GLB1: variants seen among roughly 807,000 people sequenced by gnomAD.
GLB1 encodes the protein beta-galactosidase.
In GLB1, 56 loss-of-function variants were observed where a neutral mutation model predicts 74.0. That is an observed-to-expected ratio of 0.76 (90% CI 0.61 to 0.94). The LOEUF (loss-of-function observed/expected upper bound fraction) is 0.94, where lower values mean the gene tolerates loss of function less well. Among genes scored for constraint, GLB1 ranks in the 40% least tolerant of loss-of-function variants. The probability of loss-of-function intolerance (pLI) is 0.00; values close to 1 mark genes in which losing one functional copy is unlikely to be tolerated. For synonymous variants in GLB1, 323 were observed against 323.6 expected (o/e 1.00, Z 0.02); for missense variants, 787 against 845.5 (o/e 0.93, Z 0.86).
At chr3:33,015,358 G>A (rs1236111892) in intron 14 of GLB1, among the ~76,000 whole-genome samples, 11 of 152,162 alleles carry the variant, frequency 7.2e-5, no homozygotes, top group Non-Finnish European at 1.6e-4. Context: ...AGAATACTGT[G>A]ATACCTTAAG....
chr3:32,966,583 G>A, the GLB1 span, among the ~76,000 whole-genome samples: 2 of 152,168 alleles, frequency 1.3e-5, no homozygotes, highest in Non-Finnish European at 2.9e-5. Context: ...AATGAGTTAA[G>A]ACTTTAGGGG....
chr3:33,053,153 T>C (rs1023393634), intron 7 of GLB1, among the ~76,000 whole-genome samples: 1 of 152,142 alleles, frequency 6.6e-6, no homozygotes, highest in Non-Finnish European at 1.5e-5. Flanking sequence ...GCAAGTGACA[T>C]AGGTTCCCTG....
intron 7 of GLB1, 104 bp from the exon 8 acceptor site, chr3:33,052,108 A>G: frequency 6.3e-7 from 1 of 1,589,314 alleles, no homozygotes; most frequent in Non-Finnish European, 8.5e-7. Flanking sequence ...GGGGGTTGAC[A>G]TGCTGACATG....
At chr3:32,982,323 A>G in the GLB1 span, among the ~76,000 whole-genome samples, 4 of 151,974 alleles carry the variant, frequency 2.6e-5, no homozygotes, top group Non-Finnish European at 4.4e-5. Flanking sequence ...CCAAAAAAAA[A>G]AAAAAAAAAA....
At chr3:33,065,638 T>C in intron 4 of GLB1, 81 bp from the exon 5 acceptor site, 1 of 1,480,058 alleles carries the variant, frequency 6.8e-7, no homozygotes, top group South Asian at 1.2e-5. Flanking sequence ...GCTTTGAATG[T>C]GGCCCAACAC....
chr3:33,003,961 C>T (rs959570492), intron 15 of GLB1, among the ~76,000 whole-genome samples: 13 of 151,810 alleles, frequency 8.6e-5, no homozygotes, highest in South Asian at 2.1e-4. Context: ...ACCTGGGAGG[C>T]GGAGGTTGCA....
In GLB1 at chr3:33,068,925, C is replaced by G. The variant is rs375291447; in HGVS notation, c.291G>C (p.Gln97His). 3 of 1,614,068 alleles carry G rather than the reference C, an allele frequency of 1.9e-6. No individual in the cohort carries two copies. In the African/African-American group the frequency reaches 4.0e-5, roughly 22 times the overall value. ...NFHEPWPGQY[Q>H]FSEDHDVEYF... ...ATTCCACATCATGGTCCTCAGAAAACTGGTACTGTCCTGGCCAGGGCTCAT... is the reference window on the plus strand; with the variant it reads ...ATTCCACATCATGGTCCTCAGAAAAGTGGTACTGTCCTGGCCAGGGCTCAT... The change falls in exon 3 of 16, where the codon CAG becomes CAC. Residue 97 changes from glutamine to histidine, a missense_variant. Transcript: ENST00000307363.
At chr3:32,975,831 A>G in the GLB1 span, among the ~76,000 whole-genome samples, 26 of 152,332 alleles carry the variant, frequency 1.7e-4, 2 homozygotes, top group East Asian at 5.0e-3. Context: ...TATCTGGAGG[A>G]GAATAAAGTA....
At chr3:33,066,402 G>A (rs540630083) in intron 4 of GLB1, among the ~76,000 whole-genome samples, 2 of 152,258 alleles carry the variant, frequency 1.3e-5, no homozygotes, top group South Asian at 2.1e-4. Context: ...TCTGAGCTAG[G>A]ACACTCAGCC....
chr3:33,046,216 A>G lies in GLB1; in HGVS notation c.972T>C (p.Tyr324=), dbSNP rs1342444418. 1.2e-6 allele frequency: 2 copies of G among 1,613,896 alleles called. No individual in the cohort carries two copies. The highest frequency in any genetic ancestry group is 3.3e-5 in the Admixed American group (2 of 59,984). The change falls in exon 10 of 16, where the codon TAT becomes TAC. Residue 324 remains tyrosine, a synonymous_variant. Transcript: ENST00000307363. ...FAYWNGANSP[Y]AAQPTSYDYD... ...AGTCGTAGCTGGTGGGCTGTGCTGC[A>G]TAGGGTGAGTTGGCCCCTAGAAGAC...
chr3:33,033,850 T>C, intron 10 of GLB1: 2 of 453,562 alleles, frequency 4.4e-6, no homozygotes, highest in South Asian at 3.5e-5. Context: ...CCTAGAGCAG[T>C]CACGCTGGTA....
At chr3:33,068,516 T>C (rs558901063) in intron 3 of GLB1, among the ~76,000 whole-genome samples, 1 of 152,288 alleles carries the variant, frequency 6.6e-6, no homozygotes, top group South Asian at 2.1e-4. Context: ...AAAGCCCTTT[T>C]CATAAAGATT....
chr3:33,067,002 CTTT>C (rs63579460), intron 4 of GLB1, among the ~76,000 whole-genome samples: 5 of 135,466 alleles, frequency 3.7e-5, no homozygotes, highest in Admixed American at 1.5e-4. Context: ...GTTTTTATTT[CTTT>C]TTTTTTTTTT....
chr3:32,968,878 G>A, the GLB1 span, among the ~76,000 whole-genome samples: 2 of 152,196 alleles, frequency 1.3e-5, no homozygotes, highest in African/African-American at 4.8e-5. Flanking sequence ...ACTTATCCAG[G>A]CAATTAGATT....
At chr3:32,978,080 TATG>T in the GLB1 span, among the ~76,000 whole-genome samples, 3 of 152,356 alleles carry the variant, frequency 2.0e-5, no homozygotes, top group East Asian at 5.8e-4. Flanking sequence ...ATGGCCACGT[TATG>T]ATACTGTGGT....
chr3:33,045,975 G>T, intron 10 of GLB1, 145 bp downstream of exon 10: 1 of 1,143,208 alleles, frequency 8.7e-7, no homozygotes, highest in Non-Finnish European at 1.3e-6. Flanking sequence ...GGTACAAGAT[G>T]CAAACCCAAG....
At chr3:32,986,594 C>T in the GLB1 span, among the ~76,000 whole-genome samples, 1 of 142,418 alleles carries the variant, frequency 7.0e-6, no homozygotes, top group African/African-American at 2.6e-5. Flanking sequence ...GACTGTTTCT[C>T]TTTTTTTTTT....
intron 4 of GLB1, among the ~76,000 whole-genome samples, chr3:33,067,152 AC>A (rs1699718371): frequency 6.6e-6 from 1 of 151,614 alleles, no homozygotes; most frequent in Non-Finnish European, 1.5e-5. Flanking sequence ...ACAGGCATGC[AC>A]CACCACACCC....
At chr3:33,074,389 G>GAAGGAAGAAAGAAAGA (rs1553612831) in intron 1 of GLB1, among the ~76,000 whole-genome samples, 7 of 38,918 alleles carry the variant, frequency 1.8e-4, no homozygotes, top group East Asian at 1.4e-3. Flanking sequence ...AGGAAGGAAG[G>GAAGGAAGAAAGAAAGA]AAGAAAGAAA....
Sources: allele counts gnomAD v4.1 joint callset (sites outside exome capture counted in the v4.1 genomes callset), GRCh38; gene constraint gnomAD v4.1.1; transcripts MANE v1.5; gene names NCBI Gene and HGNC (gene_info 2026-07-23, HGNC 2026-07-21).